Variants in UTP4 observed in about 807,000 individuals in gnomAD.
UTP4 encodes the protein UTP4 small subunit processome component.
UTP4 carries 45 observed loss-of-function variants against 82.4 expected under a neutral mutation model. The observed-to-expected ratio is 0.55, with a 90% confidence interval of 0.43 to 0.70. The LOEUF is 0.70. UTP4 is among the 30% of genes least tolerant of loss of function. UTP4 has a pLI of 0.00. For synonymous variants in UTP4, 348 were observed against 300.3 expected (o/e 1.16, Z -1.64); for missense variants, 819 against 858.3 (o/e 0.95, Z 0.57).
At chr16:69,140,729 C>G (rs1433988873) in intron 5 of UTP4, among the ~76,000 whole-genome samples, 1 of 151,824 alleles carries the variant, frequency 6.6e-6, no homozygotes, top group Non-Finnish European at 1.5e-5. Context: ...TTCTATATCT[C>G]TCTCACTCTC....
intron 6 of UTP4, among the ~76,000 whole-genome samples, chr16:69,149,453 G>A (rs913734247): frequency 2.0e-5 from 3 of 152,032 alleles, no homozygotes; most frequent in Non-Finnish European, 4.4e-5. Flanking sequence ...GGGAGCCTGA[G>A]GTGGGAGAAT....
rs1295448613 is a variant in UTP4, at chr16:69,143,257, C to T, written c.606C>T (p.Ala202=). 9 of 1,614,086 alleles carry T rather than the reference C, an allele frequency of 5.6e-6. No homozygotes were observed. The highest frequency in any genetic ancestry group is 7.6e-6 in the Non-Finnish European group (9 of 1,180,048). The change falls in exon 6 of 17, where the codon GCC becomes GCT. Residue 202 remains alanine, a synonymous_variant. Coordinates refer to ENST00000314423, the MANE Select transcript of UTP4 (RefSeq NM_032830.3). ...GGAAGTGCATCGTGTGGGGTGTCGC[C>T]TTCTTGTCCGATGGCACTATCATAA... ...SKRKCIVWGV[A]FLSDGTIISV... is the part of the protein sequence containing the mutation.
Position 69,166,917 on chromosome 16 carries a change from T to C in UTP4, c.1834-158T>C, listed in dbSNP as rs557916054. Reference sequence around the variant, plus strand: ...CTAGTTTTTCTGAATAGAGGTATTATGGCTACAGCTGTTTTCCCGAATTAA... The same window carrying C: ...CTAGTTTTTCTGAATAGAGGTATTACGGCTACAGCTGTTTTCCCGAATTAA... On this transcript the variant is annotated intron_variant, in intron 15 of 16. Transcript: ENST00000314423. The C allele has an allele frequency of 9.7e-5, 61 of 628,412 alleles. No homozygotes were observed. The East Asian group carries it at 1.2e-3, about 12-fold the overall frequency. 38.9% of individuals were successfully genotyped at this position (628,412 alleles called of 1,614,324 possible).
intron 3 of UTP4, among the ~76,000 whole-genome samples, chr16:69,137,237 A>G (rs565081964): frequency 6.6e-6 from 1 of 152,326 alleles, no homozygotes; most frequent in South Asian, 2.1e-4. Context: ...TAAATTCACA[A>G]TGCACATCGG....
At chr16:69,166,885 T>G (rs1963715424) in intron 15 of UTP4, 190 bp from the exon 16 acceptor site, 6 of 595,080 alleles carry the variant, frequency 1.0e-5, no homozygotes, top group East Asian at 2.8e-5. Flanking sequence ...TCTTCTTTTT[T>G]TCCCCCCTAG....
intron 6 of UTP4, 135 bp from the exon 7 acceptor site, chr16:69,150,399 GAAA>G: frequency 1.0e-6 from 1 of 977,636 alleles, no homozygotes; most frequent in Non-Finnish European, 1.6e-6. Context: ...CTTCTGGAAG[GAAA>G]AGACCCTTGT....
intron 10 of UTP4, among the ~76,000 whole-genome samples, chr16:69,155,479 A>G (rs1007638759): frequency 6.6e-6 from 1 of 152,150 alleles, no homozygotes; most frequent in African/African-American, 2.4e-5. Context: ...AATGTTCTTC[A>G]TTTGCTATTT....
intron 4 of UTP4, among the ~76,000 whole-genome samples, chr16:69,139,300 A>G (rs1374553973): frequency 6.6e-6 from 1 of 152,044 alleles, no homozygotes; most frequent in African/African-American, 2.4e-5. Context: ...AGGTAATACA[A>G]TGCTTTTTAA....
intron 13 of UTP4, among the ~76,000 whole-genome samples, chr16:69,161,071 C>CT (rs1963551507): frequency 6.6e-6 from 1 of 152,146 alleles, no homozygotes. Context: ...CATCCAGGTT[C>CT]TTTCTGTATT....
chr16:69,160,529 A>G (rs1963536580), intron 13 of UTP4, 67 bp downstream of exon 13: 1 of 1,137,522 alleles, frequency 8.8e-7, no homozygotes, highest in Admixed American at 1.7e-5. Context: ...CTGCAGTTAC[A>G]AGATTCAAGG....
intron 6 of UTP4, 84 bp downstream of exon 6, chr16:69,143,473 C>T (rs1279178347): frequency 8.4e-7 from 1 of 1,186,894 alleles, no homozygotes; most frequent in Non-Finnish European, 1.2e-6. Flanking sequence ...GTGCCATGAA[C>T]ACTGGTTCCT....
At chr16:69,145,634 C>G (rs1963090276) in intron 6 of UTP4, among the ~76,000 whole-genome samples, 1 of 151,540 alleles carries the variant, frequency 6.6e-6, no homozygotes, top group African/African-American at 2.4e-5. Context: ...AGTTCCTAAG[C>G]TGCTGGGTAT....
At chr16:69,141,630 G>A (rs1246390160) in intron 5 of UTP4, among the ~76,000 whole-genome samples, 3 of 151,924 alleles carry the variant, frequency 2.0e-5, no homozygotes, top group Non-Finnish European at 4.4e-5. Context: ...TCAGTTCTGG[G>A]GGGAAATTCT....
chr16:69,147,001 C>CA (rs71148965), intron 6 of UTP4, among the ~76,000 whole-genome samples: 23,930 of 85,512 alleles, frequency 0.28, 3,027 homozygotes, highest in African/African-American at 0.31. Context: ...GACTCTGCCT[C>CA]AAAAAAAAAA....
intron 5 of UTP4, among the ~76,000 whole-genome samples, 177 bp downstream of exon 5, chr16:69,140,091 T>C (rs903061367): frequency 6.6e-6 from 1 of 152,226 alleles, no homozygotes; most frequent in Non-Finnish European, 1.5e-5. Flanking sequence ...CCACTGCTTT[T>C]AGGGGAATCT....
rs116234686 is a variant in UTP4, at chr16:69,134,471, G to A, written c.159+853G>A. ...ATAAATATGATAAACCGAAACACAG[G>A]CATAGAACCTTCATTGAATTGCCTT... On this transcript the variant is annotated intron_variant, in intron 2 of 16. Coordinates refer to ENST00000314423, the MANE Select transcript of UTP4 (RefSeq NM_032830.3). Among the ~76,000 whole-genome samples the A allele has an allele frequency of 8.5e-3, 1,164 of 137,672 alleles. 17 individuals are homozygous for A. The highest frequency in any genetic ancestry group is 0.03 in the African/African-American group (1,048 of 34,722). The allele number at this position is 137,672 out of a possible 152,430, so 90.3% of individuals were successfully genotyped here.
In UTP4 at chr16:69,133,626, AT is replaced by A. The variant is rs776980441; in HGVS notation, c.159+11del. On this transcript the variant is annotated intron_variant, in intron 2 of 16. Transcript: ENST00000314423. ...AACTACTTTCAGGAGAAAGTAAGTC[AT>A]TTGGGAGTCTGATATGGTGTTTTGA... 8.1e-6 allele frequency: 13 copies of A among 1,613,544 alleles called. No individual in the cohort carries two copies. The highest frequency in any genetic ancestry group is 1.7e-5 in the Admixed American group (1 of 60,006).
Position 69,163,144 on chromosome 16 carries a change from C to G in UTP4, c.1613C>G (p.Thr538Ser), listed in dbSNP as rs1259525032. 2 of 1,613,928 alleles carry G rather than the reference C, an allele frequency of 1.2e-6. No individual in the cohort carries two copies. The highest frequency in any genetic ancestry group is 1.7e-6 in the Non-Finnish European group (2 of 1,179,938). ...PVTAMAIAPN[T>S]NNLVIAHSDQ... ...ACTGCTATGGCTATTGCCCCCAATA[C>G]CAACAACCTTGTCATCGCTCATTCG... Residue 538 changes from threonine (T) to serine (S), a missense_variant, in exon 14 of 17, where the codon ACC (threonine) becomes AGC (serine). Thr to Ser is a moderately conservative substitution (Grantham distance 58, BLOSUM62 1). Coordinates refer to ENST00000314423, the MANE Select transcript of UTP4 (RefSeq NM_032830.3).
intron 5 of UTP4, 56 bp downstream of exon 5, chr16:69,139,970 G>C: frequency 7.7e-7 from 1 of 1,302,490 alleles, no homozygotes; most frequent in Non-Finnish European, 1.1e-6. Context: ...TCACATTTCT[G>C]AGTTTTCAAA....
Sources: gnomAD v4.1 joint callset for allele counts (sites outside exome capture counted in the v4.1 genomes callset) on GRCh38, gnomAD v4.1.1 for gene constraint, MANE v1.5 for transcripts, NCBI Gene and HGNC (gene_info 2026-07-23, HGNC 2026-07-21) for gene names.